The following AUTS2 variants were observed in gnomAD, a reference collection of about 807,000 sequenced individuals.
AUTS2 encodes autism susceptibility gene 2 protein.
In AUTS2, 17 loss-of-function variants were observed where a neutral mutation model predicts 112.4. The observed-to-expected ratio is 0.15, with a 90% CI of 0.10 to 0.23. The LOEUF is 0.23. Among genes scored for constraint, AUTS2 ranks in the 10% least tolerant of loss-of-function variants. AUTS2 has a pLI of 1.00. For synonymous variants in AUTS2, 751 were observed against 702.7 expected (o/e 1.07, Z -1.09); for missense variants, 1,510 against 1,701.6 (o/e 0.89, Z 1.98).
chr7:70,282,717 A>C (rs1788278488), intron 4 of AUTS2, among the ~76,000 whole-genome samples: 1 of 152,224 alleles, frequency 6.6e-6, no homozygotes, highest in Non-Finnish European at 1.5e-5. Context: ...CTGGCAGTGC[A>C]GGAGCAAGCT....
intron 1 of AUTS2, among the ~76,000 whole-genome samples, chr7:69,805,398 G>A (rs894772384): frequency 3.3e-5 from 5 of 152,072 alleles, no homozygotes; most frequent in African/African-American, 4.8e-5. Flanking sequence ...CAAATAATAC[G>A]CAGAGGCAGA....
rs1401118037 is a variant in AUTS2, at chr7:70,792,390, G to A, written c.*1394G>A. ...CTAGCAGAGAAATACAATATATCTT[G>A]TCTACTGGACTGTAAAATATATGTA... On this transcript the variant is annotated 3_prime_UTR_variant, in exon 19 of 19. Transcript: ENST00000342771. 6.7e-6 allele frequency: 1 copy of A among 149,904 alleles called. No homozygotes were observed. The highest frequency in any genetic ancestry group is 1.5e-5 in the Non-Finnish European group (1 of 67,760). 9.3% of individuals were successfully genotyped at this position (149,904 alleles called of 1,614,324 possible). A position where few individuals can be genotyped will look rare whatever the true frequency, so the allele number is the denominator to read the frequency against.
At chr7:70,574,081 C>G (rs1802059615) in intron 5 of AUTS2, among the ~76,000 whole-genome samples, 2 of 152,116 alleles carry the variant, frequency 1.3e-5, no homozygotes, top group African/African-American at 4.8e-5. Flanking sequence ...GCCTCAGCAA[C>G]AGGCTGCCAA....
At chr7:70,181,549 G>A (rs190946891) in intron 4 of AUTS2, among the ~76,000 whole-genome samples, 48 of 148,196 alleles carry the variant, frequency 3.2e-4, no homozygotes, top group African/African-American at 5.7e-4. Flanking sequence ...GTGCAGTGGC[G>A]CCATCTCGGC....
intron 1 of AUTS2, among the ~76,000 whole-genome samples, chr7:69,731,491 C>T (rs1439222654): frequency 2.0e-5 from 3 of 152,120 alleles, no homozygotes; most frequent in Non-Finnish European, 2.9e-5. Context: ...GAGCATGGTG[C>T]CTGACCCATA....
rs541325600 is a variant in AUTS2, at chr7:70,290,811, C to A, written c.661-144941C>A. ...AGTGCTGCTTGCCAAGAAGCAAAGT[C>A]ATTACATAGTGTGTATATGTTCAAT... On this transcript the variant is annotated intron_variant, in intron 4 of 18. Coordinates refer to ENST00000342771, the MANE Select transcript of AUTS2 (RefSeq NM_015570.4). 7 of 328,676 alleles carry A rather than the reference C, an allele frequency of 2.1e-5. No homozygotes were observed. The South Asian group carries it at 3.7e-4, about 17-fold the overall frequency. The allele number at this position is 328,676 out of a possible 1,614,324, so 20.4% of individuals were successfully genotyped here.
At chr7:70,446,577 G>T (rs889852891) in intron 5 of AUTS2, among the ~76,000 whole-genome samples, 18 of 152,204 alleles carry the variant, frequency 1.2e-4, no homozygotes, top group Admixed American at 1.2e-3. Context: ...AATGGTAGTC[G>T]TACATCATTG....
At chr7:70,123,756 G>A (rs1013555024) in intron 3 of AUTS2, among the ~76,000 whole-genome samples, 1 of 152,094 alleles carries the variant, frequency 6.6e-6, no homozygotes, top group Non-Finnish European at 1.5e-5. Context: ...GTCATTGATG[G>A]GCATTTAGGT....
intron 2 of AUTS2, among the ~76,000 whole-genome samples, chr7:70,110,472 C>T (rs1180040298): frequency 3.9e-5 from 6 of 152,108 alleles, no homozygotes; most frequent in Admixed American, 1.3e-4. Flanking sequence ...GCCGAGATCG[C>T]GCCATTGGAC....
intron 14 of AUTS2, among the ~76,000 whole-genome samples, chr7:70,780,497 T>TC (rs1018287284): frequency 4.0e-5 from 6 of 151,594 alleles, no homozygotes; most frequent in African/African-American, 1.5e-4. Flanking sequence ...TGCCTCAGCC[T>TC]CCCCAGTAGC....
At chr7:70,378,549 A>G (rs184352696) in intron 4 of AUTS2, among the ~76,000 whole-genome samples, 42 of 152,362 alleles carry the variant, frequency 2.8e-4, no homozygotes, top group Admixed American at 2.4e-3. Flanking sequence ...TCTGTGTGCT[A>G]CAGAAAAGGA....
At chr7:70,461,711 A>G (rs1403546150) in intron 5 of AUTS2, among the ~76,000 whole-genome samples, 1 of 152,130 alleles carries the variant, frequency 6.6e-6, no homozygotes, top group Non-Finnish European at 1.5e-5. Context: ...GTAATGAGAT[A>G]AATTACCCTA....
intron 6 of AUTS2, among the ~76,000 whole-genome samples, chr7:70,739,035 T>TTTTTTTTTTTTTTTTTTTTTTG (rs1787946528): frequency 1.2e-5 from 1 of 82,518 alleles, no homozygotes; most frequent in Non-Finnish European, 2.2e-5. Context: ...TTTTTTTTTT[T>TTTTTTTTTTTTTTTTTTTTTTG]TTGAGAGAGA....
intron 2 of AUTS2, among the ~76,000 whole-genome samples, chr7:69,999,954 C>T (rs1419779382): frequency 6.6e-6 from 1 of 152,062 alleles, no homozygotes; most frequent in African/African-American, 2.4e-5. Flanking sequence ...ACTTGGCAAA[C>T]CGAAGTAGCT....
chr7:70,157,752 A>G (rs1411018680), intron 4 of AUTS2, among the ~76,000 whole-genome samples: 1 of 152,186 alleles, frequency 6.6e-6, no homozygotes, highest in Non-Finnish European at 1.5e-5. Flanking sequence ...AGAGCCACTG[A>G]AGGGTTTTAT....
In AUTS2 at chr7:70,636,993, T is replaced by G. The variant is rs115814796; in HGVS notation, c.691-61576T>G. ...TTTTGCATGTAAGATGGCATTGTTA[T>G]GTTTATCGAACACCTGCCAGTTTCC... is the stretch of plus-strand genomic sequence containing the variant. On this transcript the variant is annotated intron_variant, in intron 5 of 18. Transcript: ENST00000342771. Among the ~76,000 whole-genome samples the G allele has an allele frequency of 6.2e-3, 942 of 152,330 alleles. 12 individuals are homozygous for G. The highest frequency in any genetic ancestry group is 0.021 in the African/African-American group (892 of 41,574).
At chr7:70,478,935 G>A (rs185570394) in intron 5 of AUTS2, among the ~76,000 whole-genome samples, 15 of 151,932 alleles carry the variant, frequency 9.9e-5, no homozygotes, top group Admixed American at 3.3e-4. Context: ...ATGTTATGTC[G>A]CCAGACCCTT....
intron 4 of AUTS2, among the ~76,000 whole-genome samples, chr7:70,238,433 C>G (rs1433108449): frequency 6.6e-6 from 1 of 152,122 alleles, no homozygotes; most frequent in African/African-American, 2.4e-5. Flanking sequence ...ATGTGGCTGC[C>G]CCTCTTAGAT....
chr7:70,350,488 T>C (rs1791698215), intron 4 of AUTS2, among the ~76,000 whole-genome samples: 1 of 152,128 alleles, frequency 6.6e-6, no homozygotes, highest in Non-Finnish European at 1.5e-5. Flanking sequence ...AAGTACGTCT[T>C]ACATGGTGGC....
Sources: allele counts gnomAD v4.1 joint callset (sites outside exome capture counted in the v4.1 genomes callset), GRCh38; gene constraint gnomAD v4.1.1; transcripts MANE v1.5; gene names NCBI Gene and HGNC (gene_info 2026-07-23, HGNC 2026-07-21).